Variants in COL4A2 observed in about 807,000 individuals in gnomAD.
COL4A2 encodes collagen type IV alpha 2 chain, also known as collagen alpha-2(IV) chain.
A neutral mutation model predicts 200.2 loss-of-function variants in COL4A2; 99 were observed. The ratio of observed to expected loss-of-function variants is 0.49; its 90% confidence interval spans 0.42 to 0.58. The LOEUF (loss-of-function observed/expected upper bound fraction) is 0.58. Among genes scored for constraint, COL4A2 ranks in the 20% least tolerant of loss-of-function variants. The pLI is 0.00. For synonymous variants in COL4A2, 897 were observed against 900.6 expected, an observed-to-expected ratio of 1.00 and a Z score of 0.07; for missense variants, 1,950 against 2,314.1, an observed-to-expected ratio of 0.84 and a Z score of 3.23.
At chr13:110,380,137 A>C (rs185029128) in intron 4 of COL4A2, among the ~76,000 whole-genome samples, 7 of 152,318 alleles carry the variant, frequency 4.6e-5, no homozygotes, top group Non-Finnish European at 1.0e-4. Flanking sequence ...ACTTCACCAA[A>C]GAGCACATTA....
At chr13:110,506,700 A>C in intron 46 of COL4A2, 94 bp downstream of exon 46, 2 of 1,311,484 alleles carry the variant, frequency 1.5e-6, no homozygotes, top group Non-Finnish European at 2.1e-6. Context: ...CAAACCCTCC[A>C]CGGCTGGTAA....
At chr13:110,492,802 A>G (rs924977736) in intron 38 of COL4A2, among the ~76,000 whole-genome samples, 4 of 152,226 alleles carry the variant, frequency 2.6e-5, no homozygotes, top group African/African-American at 9.6e-5. Context: ...AAAAGATTCT[A>G]TGAAGACAGT....
intron 20 of COL4A2, among the ~76,000 whole-genome samples, chr13:110,452,884 T>C (rs1312803658): frequency 6.6e-6 from 1 of 152,100 alleles, no homozygotes; most frequent in South Asian, 2.1e-4. Context: ...CACCTCAGCC[T>C]CTTGAGCAGC....
chr13:110,340,669 C>CTGTA (rs921408643), intron 3 of COL4A2, among the ~76,000 whole-genome samples: 4 of 152,184 alleles, frequency 2.6e-5, no homozygotes, highest in African/African-American at 9.7e-5. Context: ...GAGAGCAGTC[C>CTGTA]TGTAGCTCAT....
chr13:110,433,970 G>C (rs769705777), intron 11 of COL4A2, among the ~76,000 whole-genome samples: 6 of 152,154 alleles, frequency 3.9e-5, no homozygotes, highest in Non-Finnish European at 5.9e-5. Flanking sequence ...AAAAAGATAG[G>C]TAAAGTTTAT....
At chr13:110,395,306 G>T (rs1005095895) in intron 4 of COL4A2, among the ~76,000 whole-genome samples, 3 of 152,204 alleles carry the variant, frequency 2.0e-5, no homozygotes, top group African/African-American at 7.2e-5. Context: ...CACTGCCTGG[G>T]AAGTGACTGC....
intron 4 of COL4A2, among the ~76,000 whole-genome samples, chr13:110,392,326 A>C (rs1267297198): frequency 6.6e-6 from 1 of 152,236 alleles, no homozygotes; most frequent in East Asian, 1.9e-4. Context: ...ATGATGCTAT[A>C]GTTGAAACGT....
At chr13:110,333,271 T>C (rs1450480423) in intron 3 of COL4A2, among the ~76,000 whole-genome samples, 1 of 152,226 alleles carries the variant, frequency 6.6e-6, no homozygotes, top group African/African-American at 2.4e-5. Flanking sequence ...GCTTACTCTT[T>C]GTTAATGAAA....
chr13:110,384,587 G>A (rs1426968120), intron 4 of COL4A2, among the ~76,000 whole-genome samples: 2 of 152,172 alleles, frequency 1.3e-5, no homozygotes, highest in South Asian at 2.1e-4. Flanking sequence ...GTCCTCTGGC[G>A]TGTGGAGTGC....
intron 40 of COL4A2, among the ~76,000 whole-genome samples, chr13:110,498,825 C>T (rs568722287): frequency 4.6e-5 from 7 of 152,336 alleles, no homozygotes; most frequent in Non-Finnish European, 1.0e-4. Context: ...CAAAACTCTC[C>T]GTGACCTCCT....
At chr13:110,313,267 C>A (rs535215825) in intron 3 of COL4A2, among the ~76,000 whole-genome samples, 4 of 152,144 alleles carry the variant, frequency 2.6e-5, no homozygotes, top group Admixed American at 1.3e-4. Flanking sequence ...GGACAGGTGA[C>A]GGCCTAAGTG....
At chr13:110,509,270 T>TATATATACACACACAC (rs1435137108) in intron 47 of COL4A2, among the ~76,000 whole-genome samples, 1 of 115,578 alleles carries the variant, frequency 8.7e-6, no homozygotes, top group African/African-American at 3.5e-5. Flanking sequence ...TATATATATA[T>TATATATACACACACAC]ACACACACAC....
At chr13:110,345,572 T>C (rs995966009) in intron 3 of COL4A2, among the ~76,000 whole-genome samples, 4 of 152,138 alleles carry the variant, frequency 2.6e-5, no homozygotes, top group South Asian at 2.1e-4. Flanking sequence ...CAGACTCACA[T>C]TGATGCACAT....
At position 110,503,447 on chromosome 13, in the gene COL4A2, CCCCAAGGGA is replaced by C. The variant is rs1883723803; in HGVS notation, c.4114_4122del (p.Pro1372_Gly1374del). On this transcript the variant is annotated inframe_deletion, in exon 43 of 48. Transcript: ENST00000360467. ...CCACTGGGGCGGTGGGCGACAGAGGCCCCAAGGGACCCAAGGGAGACCCAGGATTCCCTG... is the reference window on the plus strand; with the variant it reads ...CCACTGGGGCGGTGGGCGACAGAGGCCCCAAGGGAGACCCAGGATTCCCTG... 6.3e-7 allele frequency: 1 copy of C among 1,579,940 alleles called. No individual in the cohort carries two copies. The highest frequency in any genetic ancestry group is 1.1e-5 in the South Asian group (1 of 86,968).
chr13:110,474,821 G>C (rs1484906786), intron 29 of COL4A2, among the ~76,000 whole-genome samples: 2 of 118,810 alleles, frequency 1.7e-5, no homozygotes, highest in Non-Finnish European at 3.4e-5. Context: ...ACACATGCAC[G>C]TACCCACACA....
chr13:110,485,194 T>C lies in COL4A2; in HGVS notation c.3025+167T>C, dbSNP rs1036441645. On this transcript the variant is annotated intron_variant, in intron 33 of 47. Coordinates refer to ENST00000360467, the MANE Select transcript of COL4A2 (RefSeq NM_001846.4). ...GTCCATAGCTGGCGCAGGGTTGTTC[T>C]CTGATGCCTGAGTAACCTCGGTTTC... Among the ~76,000 whole-genome samples the C allele has an allele frequency of 3.9e-5, 6 of 152,186 alleles. No individual in the cohort carries two copies. The East Asian group carries it at 1.2e-3, about 29-fold the overall frequency.
intron 40 of COL4A2, among the ~76,000 whole-genome samples, chr13:110,500,361 C>T (rs181434464): frequency 4.7e-4 from 72 of 152,254 alleles, no homozygotes; most frequent in African/African-American, 1.3e-3. Context: ...GTCCCCAGCC[C>T]GAGGTAAAAC....
At chr13:110,430,991 G>A (rs1422431456) in intron 10 of COL4A2, 1 of 427,502 alleles carries the variant, frequency 2.3e-6, no homozygotes, top group Non-Finnish European at 4.6e-6. Flanking sequence ...ACCCATGCTA[G>A]CAGGCATATC....
At chr13:110,456,505 T>G (rs1449669591) in intron 20 of COL4A2, 1 of 326,996 alleles carries the variant, frequency 3.1e-6, no homozygotes, top group East Asian at 8.6e-5. Flanking sequence ...ACTCAATGTT[T>G]CTCAAAAGGA....
Sources: allele counts gnomAD v4.1 joint callset (sites outside exome capture counted in the v4.1 genomes callset), GRCh38; gene constraint gnomAD v4.1.1; transcripts MANE v1.5; gene names NCBI Gene and HGNC (gene_info 2026-07-23, HGNC 2026-07-21).